The following HEPACAM variants were observed in gnomAD, a reference collection of about 807,000 sequenced individuals.
HEPACAM encodes hepatic and glial cell adhesion molecule.
In HEPACAM, 18 loss-of-function variants were observed where a neutral mutation model predicts 38.3. The observed-to-expected ratio is 0.47, with a 90% CI of 0.33 to 0.70. The LOEUF is 0.70. Ranked by LOEUF, HEPACAM falls within the 30% of genes least tolerant of loss-of-function variation. The pLI is 0.03. For missense variants in HEPACAM, 466 were observed against 563.0 expected (o/e 0.83, Z 1.74); for synonymous variants, 216 against 243.1 (o/e 0.89, Z 1.04).
In HEPACAM at chr11:124,920,152, C is replaced by A; in HGVS notation, c.*986G>T. Reference sequence around the variant, plus strand: ...GCAATAAGCCTCCTCCTCCCCCCACCATTTCTCTGGAGATTAGGACTTATT... The same window carrying A: ...GCAATAAGCCTCCTCCTCCCCCCACAATTTCTCTGGAGATTAGGACTTATT... On this transcript the variant is annotated 3_prime_UTR_variant, in exon 7 of 7. Transcript: ENST00000298251. 9.6e-7 allele frequency: 1 copy of A among 1,046,078 alleles called. No homozygotes were observed. Among genetic ancestry groups the A allele is most frequent in the Non-Finnish European group, 1.4e-6 (1 of 713,562 alleles). 64.8% of individuals were successfully genotyped at this position (1,046,078 alleles called of 1,614,324 possible).
At chr11:124,930,923 G>C (rs1947274546) in intron 1 of HEPACAM, among the ~76,000 whole-genome samples, 1 of 152,194 alleles carries the variant, frequency 6.6e-6, no homozygotes, top group African/African-American at 2.4e-5. Context: ...TCCTTGACTT[G>C]AGGGCAGACA....
rs1947105910 is a variant in HEPACAM at position 124,920,091 on chromosome 11, C to T, written c.*1047G>A. On this transcript the variant is annotated 3_prime_UTR_variant, in exon 7 of 7. Coordinates refer to ENST00000298251, the MANE Select transcript of HEPACAM (RefSeq NM_152722.5). ...GCAGGGCAGATGGGTGGCAGGAGGCCAGGGGTTGGATCATGTTCCCCCCAA... is the reference window on the plus strand; with the variant it reads ...GCAGGGCAGATGGGTGGCAGGAGGCTAGGGGTTGGATCATGTTCCCCCCAA... 6.6e-7 allele frequency: 1 copy of T among 1,509,110 alleles called. No individual in the cohort carries two copies. The highest frequency in any genetic ancestry group is 1.4e-5 in the African/African-American group (1 of 71,884). The allele number at this position is 1,509,110 out of a possible 1,614,324, so 93.5% of individuals were successfully genotyped here. A position where few individuals can be genotyped will look rare whatever the true frequency, so the allele number is the denominator to read the frequency against.
intron 1 of HEPACAM, among the ~76,000 whole-genome samples, chr11:124,933,102 C>T (rs1475046868): frequency 6.6e-6 from 1 of 152,196 alleles, no homozygotes; most frequent in Non-Finnish European, 1.5e-5. Flanking sequence ...CACAGCAGTA[C>T]AATGGCCTCT....
Position 124,923,799 on chromosome 11 carries a change from G to A in HEPACAM, c.639C>T (p.Asp213=). 6.2e-7 allele frequency: 1 copy of A among 1,614,204 alleles called. No individual in the cohort carries two copies. Among genetic ancestry groups the A allele is most frequent in the Non-Finnish European group, 8.5e-7 (1 of 1,180,030 alleles). The change falls in exon 3 of 7, where the codon GAC becomes GAT. Residue 213 remains aspartate (D), a synonymous_variant. Coordinates refer to ENST00000298251, the MANE Select transcript of HEPACAM (RefSeq NM_152722.5). ...GGTTCTCCACCATGCAGCTGTACAG[G>A]TCGTCATCCTCCATGAGCACGCGGG... ...TITRVLMEDD[D]LYSCMVENPI...
At chr11:124,934,462 A>T (rs1947318425) in intron 1 of HEPACAM, among the ~76,000 whole-genome samples, 1 of 151,026 alleles carries the variant, frequency 6.6e-6, no homozygotes. Context: ...CTGGAGTAGG[A>T]TGGACCTAAT....
In HEPACAM at chr11:124,931,766, A is replaced by G. The variant is rs186832583; in HGVS notation, c.85+4156T>C. 1.2e-3 allele frequency among the ~76,000 whole-genome samples: 184 copies of G among 152,340 alleles called. 2 individuals carry two copies. The highest frequency in any genetic ancestry group is 6.3e-4 in the Non-Finnish European group (43 of 68,040). On this transcript the variant is annotated intron_variant, in intron 1 of 6. Coordinates refer to ENST00000298251, the MANE Select transcript of HEPACAM (RefSeq NM_152722.5). ...ATCTGTTCTCCAAAAGACATGTACT[A>G]TAATAGGATGTATAACAGTAACAAC...
At chr11:124,935,136 C>G (rs1258038569) in intron 1 of HEPACAM, among the ~76,000 whole-genome samples, 1 of 152,160 alleles carries the variant, frequency 6.6e-6, no homozygotes, top group Non-Finnish European at 1.5e-5. Context: ...CTGTGTCCTA[C>G]CCTACCAACA....
intron 1 of HEPACAM, among the ~76,000 whole-genome samples, chr11:124,932,105 G>A (rs774657442): frequency 6.6e-6 from 1 of 152,204 alleles, no homozygotes; most frequent in Non-Finnish European, 1.5e-5. Context: ...TGATTCTGAG[G>A]TGCCAAAATA....
At chr11:124,922,897 C>A (rs947398910) in intron 4 of HEPACAM, 79 bp from the exon 5 acceptor site, 3 of 1,444,056 alleles carry the variant, frequency 2.1e-6, no homozygotes, top group Non-Finnish European at 2.9e-6. Flanking sequence ...AGGGAGGGAT[C>A]TGATGGCCAT....
Position 124,919,656 on chromosome 11 carries a change from G to T in HEPACAM, c.*1482C>A. On this transcript the variant is annotated 3_prime_UTR_variant, in exon 7 of 7. Coordinates refer to ENST00000298251, the MANE Select transcript of HEPACAM (RefSeq NM_152722.5). ...GGGAAGTGCCGAGGGACAGGGAGCT[G>T]AGACAGGCATGCTGTGGGGTTCAGG... The T allele has an allele frequency of 7.1e-7, 1 of 1,411,852 alleles. No individual in the cohort carries two copies. The allele number at this position is 1,411,852 out of a possible 1,614,324, so 87.5% of individuals were successfully genotyped here.
chr11:124,927,279 C>A (rs896096419), intron 1 of HEPACAM, among the ~76,000 whole-genome samples: 2 of 152,088 alleles, frequency 1.3e-5, no homozygotes, highest in African/African-American at 4.8e-5. Flanking sequence ...CCTTGCTGGG[C>A]CTCAGCTTCC....
At chr11:124,927,162 G>A (rs977194255) in intron 1 of HEPACAM, among the ~76,000 whole-genome samples, 21 of 152,026 alleles carry the variant, frequency 1.4e-4, no homozygotes, top group African/African-American at 9.6e-5. Flanking sequence ...GAGCCACTGC[G>A]TGGTTACTAA....
In HEPACAM at chr11:124,923,816, G is replaced by A. The variant is rs1308119819; in HGVS notation, c.622C>T (p.Leu208Phe). 6.2e-7 allele frequency: 1 copy of A among 1,614,118 alleles called. No homozygotes were observed. Among genetic ancestry groups the A allele is most frequent in the Non-Finnish European group, 8.5e-7 (1 of 1,180,048 alleles). ...DQKVLTITRV[L>F]MEDDDLYSCM... ...CTGTACAGGTCGTCATCCTCCATGA[G>A]CACGCGGGTGATGGTGAGCACCTTT... is the stretch of plus-strand genomic sequence containing the variant. The change falls in exon 3 of 7, where the codon CTC becomes TTC. Residue 208 changes from leucine (L) to phenylalanine (F), a missense_variant. By Grantham distance (22) the Leu-to-Phe change is conservative. Coordinates refer to ENST00000298251, the MANE Select transcript of HEPACAM (RefSeq NM_152722.5).
chr11:124,925,108 G>A (rs777760185), intron 1 of HEPACAM, 39 bp from the exon 2 acceptor site: 16 of 1,509,076 alleles, frequency 1.1e-5, no homozygotes, highest in South Asian at 1.3e-5. Context: ...GAAGCATCAG[G>A]CCCTGGGCTC....
intron 1 of HEPACAM, among the ~76,000 whole-genome samples, chr11:124,931,923 C>A (rs1434974971): frequency 2.0e-5 from 3 of 152,190 alleles, no homozygotes; most frequent in Admixed American, 2.0e-4. Flanking sequence ...GCAGTGAGAC[C>A]AAATAAACTA....
In HEPACAM at chr11:124,920,678, CAAAA is replaced by C. The variant is rs71042463; in HGVS notation, c.*456_*459del. On this transcript the variant is annotated 3_prime_UTR_variant, in exon 7 of 7. Coordinates refer to ENST00000298251, the MANE Select transcript of HEPACAM (RefSeq NM_152722.5). ...AAGTGGCCTCTCTAATCTGAACTTG[CAAAA>C]AAAAAAAAAAAAAAAAAAAAAAAAA... 22,116 of 568,824 alleles carry C rather than the reference CAAAA, an allele frequency of 0.039. 59 individuals are homozygous for C. The highest frequency in any genetic ancestry group is 0.11 in the African/African-American group (2,221 of 20,998). The allele number at this position is 568,824 out of a possible 1,614,324, so 35.2% of individuals were successfully genotyped here. A position where few individuals can be genotyped will look rare whatever the true frequency, so the allele number is the denominator to read the frequency against.
In HEPACAM at chr11:124,926,701, G is replaced by C. The variant is rs142417285; in HGVS notation, c.86-1632C>G. ...CTTCCTTTGATGGATTCCCTCTGAA[G>C]CTCCCTCATTCTTTCTGAGCCTTAT... is the stretch of plus-strand genomic sequence containing the variant. On this transcript the variant is annotated intron_variant, in intron 1 of 6. Transcript: ENST00000298251. Among the ~76,000 whole-genome samples, 1,145 of 152,144 alleles carry C rather than the reference G, an allele frequency of 7.5e-3. 5 individuals carry two copies. The highest frequency in any genetic ancestry group is 0.012 in the Non-Finnish European group (796 of 68,022).
chr11:124,924,822 G>T lies in HEPACAM; in HGVS notation c.333C>A (p.Asp111Glu). Residue 111 changes from aspartate (D) to glutamate (E), a missense_variant, in exon 2 of 7, where the codon GAC becomes GAA. Physicochemically the swap from Asp to Glu is conservative, Grantham distance 45. Transcript: ENST00000298251. This position sits in a 1 kb window ranked among gnomAD's most constrained non-coding sequence, Gnocchi z 4.4. ...LFENGSLLLSDLQLADEGTYE... is the reference protein window; with the variant it reads ...LFENGSLLLSELQLADEGTYE... ...AGGTGCCCTCATCGGCCAGCTGCAG[G>T]TCGCTGAGAAGCAGGGAGCCATTTT... The T allele has an allele frequency of 6.2e-7, 1 of 1,614,140 alleles. No homozygotes were observed. The highest frequency in any genetic ancestry group is 1.1e-5 in the South Asian group (1 of 91,086).
At position 124,919,542 on chromosome 11, in the gene HEPACAM, C is replaced by G; in HGVS notation, c.*1596G>C. 6.7e-6 allele frequency: 4 copies of G among 595,688 alleles called. No homozygotes were observed. The highest frequency in any genetic ancestry group is 1.2e-5 in the Non-Finnish European group (4 of 338,318). The allele number at this position is 595,688 out of a possible 1,614,324, so 36.9% of individuals were successfully genotyped here. A position where few individuals can be genotyped will look rare whatever the true frequency, so the allele number is the denominator to read the frequency against. ...CTGCCTCTTCCACCTTCTTGAGAAA[C>G]TTTTCCCCTACATGCATTATCTCAT... On this transcript the variant is annotated 3_prime_UTR_variant, in exon 7 of 7. Coordinates refer to ENST00000298251, the MANE Select transcript of HEPACAM (RefSeq NM_152722.5).
Sources: allele counts gnomAD v4.1 joint callset (sites outside exome capture counted in the v4.1 genomes callset), GRCh38; gene constraint gnomAD v4.1.1; non-coding constraint Gnocchi (gnomAD v3.1); transcripts MANE v1.5; gene names NCBI Gene and HGNC (gene_info 2026-07-23, HGNC 2026-07-21).